CNTN1: variants seen among roughly 807,000 people sequenced by gnomAD.
CNTN1 encodes the protein contactin-1.
In CNTN1, 38 loss-of-function variants were observed where a neutral mutation model predicts 126.4. That is an observed-to-expected ratio of 0.30 (90% CI 0.23 to 0.39). The LOEUF is 0.39. CNTN1 is among the 10% of genes least tolerant of loss of function. The pLI, the probability that CNTN1 is intolerant of heterozygous loss-of-function variation, is 1.00. For synonymous variants in CNTN1, 413 were observed against 422.6 expected (o/e 0.98, Z 0.28); for missense variants, 1,009 against 1,248.4 (o/e 0.81, Z 2.89).
At chr12:41,051,012 G>A (rs1201043803) in intron 23 of CNTN1, among the ~76,000 whole-genome samples, 1 of 152,098 alleles carries the variant, frequency 6.6e-6, no homozygotes, top group Admixed American at 6.6e-5. Context: ...TGGAGGCCAT[G>A]TTGGCCCTAT....
At position 40,918,634 on chromosome 12, in the gene CNTN1, T is replaced by C. The variant is rs1023245183; in HGVS notation, c.95-5T>C. 6.2e-7 allele frequency: 1 copy of C among 1,612,520 alleles called. No individual in the cohort carries two copies. ...CAATGTAAAACAATTTCATATTTCT[T>C]GTAGTTTCTGAGGAAGACAAAGGAT... On this transcript the variant is annotated splice_polypyrimidine_tract_variant and splice_region_variant and intron_variant, in intron 3 of 23. Transcript: ENST00000551295.
intron 3 of CNTN1, among the ~76,000 whole-genome samples, chr12:40,917,609 G>A (rs1477271431): frequency 6.6e-6 from 1 of 152,144 alleles, no homozygotes. Flanking sequence ...ACAACTGGAG[G>A]AGTGAACCAT....
intron 1 of CNTN1, among the ~76,000 whole-genome samples, chr12:40,736,719 TAAAC>T (rs1480683954): frequency 6.6e-6 from 1 of 152,006 alleles, no homozygotes; most frequent in Non-Finnish European, 1.5e-5. Context: ...TAAAATAAGT[TAAAC>T]AAATGAAAAT....
intron 1 of CNTN1, among the ~76,000 whole-genome samples, chr12:40,822,148 C>CTTTTTTTTTTTTTTTTTT (rs777953120): frequency 0.011 from 501 of 47,258 alleles, 96 homozygotes; most frequent in East Asian, 0.033. Flanking sequence ...AAATATAAAT[C>CTTTTTTTTTTTTTTTTTT]TTTTTTTTTT....
At chr12:40,844,195 G>A (rs1034640921) in intron 1 of CNTN1, among the ~76,000 whole-genome samples, 3 of 151,414 alleles carry the variant, frequency 2.0e-5, no homozygotes, top group African/African-American at 7.3e-5. Flanking sequence ...AGGCTCCCGA[G>A]TAGCTGGGTC....
At chr12:40,965,215 TG>T (rs1172278241) in intron 15 of CNTN1, among the ~76,000 whole-genome samples, 8 of 152,170 alleles carry the variant, frequency 5.3e-5, no homozygotes, top group South Asian at 2.1e-4. Flanking sequence ...ACTAATCCTA[TG>T]GGTTATCTAG....
At chr12:40,876,071 T>G (rs2136683033) in intron 1 of CNTN1, among the ~76,000 whole-genome samples, 1 of 152,008 alleles carries the variant, frequency 6.6e-6, no homozygotes, top group Non-Finnish European at 1.5e-5. Context: ...GATATGAATA[T>G]TATTTCTAAG....
intron 3 of CNTN1, among the ~76,000 whole-genome samples, chr12:40,914,513 G>T (rs373975777): frequency 3.9e-5 from 6 of 152,030 alleles, no homozygotes; most frequent in African/African-American, 1.5e-4. Context: ...TGTGACTCAG[G>T]CTTGAAAAGT....
chr12:40,837,646 C>T (rs182811485), intron 1 of CNTN1, among the ~76,000 whole-genome samples: 2 of 152,230 alleles, frequency 1.3e-5, no homozygotes, highest in Admixed American at 6.5e-5. Context: ...GGTGCAGCAG[C>T]GTTGAGTCTG....
At chr12:40,969,682 G>A (rs1592340718) in intron 15 of CNTN1, among the ~76,000 whole-genome samples, 1 of 152,152 alleles carries the variant, frequency 6.6e-6, no homozygotes, top group East Asian at 1.9e-4. Context: ...GTGTGGACAT[G>A]GGAAGACATA....
intron 17 of CNTN1, among the ~76,000 whole-genome samples, chr12:40,996,214 C>A (rs528179115): frequency 2.0e-5 from 3 of 152,040 alleles, no homozygotes; most frequent in Admixed American, 2.0e-4. Flanking sequence ...TCACTGCAGC[C>A]TCGACCTCCA....
At chr12:40,753,720 G>A (rs1938491522) in intron 1 of CNTN1, among the ~76,000 whole-genome samples, 1 of 152,022 alleles carries the variant, frequency 6.6e-6, no homozygotes, top group Non-Finnish European at 1.5e-5. Context: ...TTTGGGTGGC[G>A]ACATAGCCAA....
At chr12:40,909,718 C>T (rs954606785) in intron 2 of CNTN1, among the ~76,000 whole-genome samples, 2 of 151,210 alleles carry the variant, frequency 1.3e-5, no homozygotes, top group Non-Finnish European at 3.0e-5. Context: ...CACCCACATA[C>T]ATAGATGTAA....
At chr12:41,068,829 A>G (rs1240822555) in intron 23 of CNTN1, among the ~76,000 whole-genome samples, 1 of 152,170 alleles carries the variant, frequency 6.6e-6, no homozygotes, top group Non-Finnish European at 1.5e-5. Flanking sequence ...CAGCATGTTC[A>G]TTGAAGATAG....
Position 40,933,484 on chromosome 12 carries a change from G to A in CNTN1, c.727G>A (p.Asp243Asn). Residue 243 changes from aspartate to asparagine, a missense_variant, in exon 8 of 24, where the codon GAT (aspartate) becomes AAT (asparagine). Transcript: ENST00000551295. ...PERTTKPYPA[D>N]IVVQFKDVYA... The stretch of plus-strand genomic sequence containing the variant: ...AGGAACAACAAAACCATATCCTGCT[G>A]ATATTGTAGTTCAGTTCAAGGATGT... 1 of 1,610,152 alleles carries A rather than the reference G, an allele frequency of 6.2e-7. No individual in the cohort carries two copies. The highest frequency in any genetic ancestry group is 8.5e-7 in the Non-Finnish European group (1 of 1,176,820).
Position 40,827,184 on chromosome 12 carries a change from T to C in CNTN1, c.-76-81173T>C, listed in dbSNP as rs1054865347. 4.5e-4 allele frequency among the ~76,000 whole-genome samples: 68 copies of C among 151,548 alleles called. 1 individual carries two copies. The highest frequency in any genetic ancestry group is 1.2e-4 in the Non-Finnish European group (8 of 67,986). On this transcript the variant is annotated intron_variant, in intron 1 of 23. Transcript: ENST00000551295. ...ACATTTTGTTTTAAAGCCTGTTTTTTTTTTTCAGGCAATGAAAACAATGCT... is the reference window on the plus strand; with the variant it reads ...ACATTTTGTTTTAAAGCCTGTTTTTCTTTTTCAGGCAATGAAAACAATGCT...
At chr12:40,769,799 G>A (rs1939262110) in intron 1 of CNTN1, among the ~76,000 whole-genome samples, 1 of 152,006 alleles carries the variant, frequency 6.6e-6, no homozygotes, top group South Asian at 2.1e-4. Context: ...GCCCTGTACT[G>A]TTTAGATATT....
intron 1 of CNTN1, among the ~76,000 whole-genome samples, chr12:40,778,276 G>A (rs1452789727): frequency 1.3e-5 from 2 of 151,778 alleles, no homozygotes; most frequent in African/African-American, 2.4e-5. Flanking sequence ...GCAAAGCACA[G>A]GCCATGGACT....
chr12:40,839,297 G>C (rs888774192), intron 1 of CNTN1, among the ~76,000 whole-genome samples: 4 of 152,062 alleles, frequency 2.6e-5, no homozygotes, highest in Admixed American at 2.0e-4. Flanking sequence ...TAAAACCATT[G>C]GATAGTCAAG....
Sources: gnomAD v4.1 joint callset for allele counts (sites outside exome capture counted in the v4.1 genomes callset) on GRCh38, gnomAD v4.1.1 for gene constraint, MANE v1.5 for transcripts, NCBI Gene and HGNC (gene_info 2026-07-23, HGNC 2026-07-21) for gene names.